CROCC: variants seen among roughly 807,000 people sequenced by gnomAD.
CROCC encodes rootletin.
Under a neutral mutation model 245.2 loss-of-function variants are expected in CROCC, and 180 were observed. That is an observed-to-expected ratio of 0.73 (90% confidence interval 0.65 to 0.83). CROCC has a LOEUF of 0.83. Among genes scored for constraint, CROCC ranks in the 40% least tolerant of loss-of-function variants. The probability of loss-of-function intolerance (pLI) is 0.00; values close to 1 mark genes in which losing one functional copy is unlikely to be tolerated. For synonymous variants in CROCC, 1,205 were observed against 1,241.6 expected (o/e 0.97, Z 0.62); for missense variants, 2,688 against 2,779.4 (o/e 0.97, Z 0.74).
chr1:16,966,475 G>T lies in CROCC; in HGVS notation c.4764G>T (p.Val1588=). ...AGCTGGCGCTGCAGGAGGAGAGTGT[G>T]CGGCGCAGTGAGCGGGAGCGCCGGG... is the stretch of plus-strand genomic sequence containing the variant. ...QAELALQEES[V]RRSERERRAT... The change falls in exon 30 of 37, where the codon GTG becomes GTT. Residue 1588 remains valine (V), a synonymous_variant. Transcript: ENST00000375541. This position sits in a 1 kb window ranked among gnomAD's most constrained non-coding sequence, Gnocchi z 4.8. 1 of 1,536,070 alleles carries T rather than the reference G, an allele frequency of 6.5e-7. No homozygotes were observed. Among genetic ancestry groups the T allele is most frequent in the Non-Finnish European group, 8.7e-7 (1 of 1,145,702 alleles).
chr1:16,926,074 G>T (rs1469578338), intron 3 of CROCC, among the ~76,000 whole-genome samples: 1 of 152,276 alleles, frequency 6.6e-6, no homozygotes, highest in African/African-American at 2.4e-5. Flanking sequence ...AGCTGCTGGG[G>T]CTGGGACTGC....
At chr1:16,918,684 G>A (rs2075339795), upstream of CROCC, among the ~76,000 whole-genome samples, 1 of 152,182 alleles carries the variant, frequency 6.6e-6, no homozygotes, top group South Asian at 2.1e-4. Context: ...TAGAAGAGTG[G>A]GCGTCCCTGG....
intron 17 of CROCC, among the ~76,000 whole-genome samples, chr1:16,948,012 T>C (rs1192031027): frequency 1.3e-5 from 2 of 152,262 alleles, no homozygotes; most frequent in Non-Finnish European, 2.9e-5. Flanking sequence ...CTAATTTTTG[T>C]ATTTTTAGTA....
In CROCC at chr1:16,922,646, T is replaced by A; in HGVS notation, c.61-17T>A. ...CGGGTCCCATGTCCCCTGAAGACCCTCTCGCTTTTCCCACAGACACTGGAG... is the reference window on the plus strand; with the variant it reads ...CGGGTCCCATGTCCCCTGAAGACCCACTCGCTTTTCCCACAGACACTGGAG... On this transcript the variant is annotated splice_polypyrimidine_tract_variant and intron_variant, in intron 1 of 36. Transcript: ENST00000375541. 6.3e-7 allele frequency: 1 copy of A among 1,592,274 alleles called. No individual in the cohort carries two copies. Among genetic ancestry groups the A allele is most frequent in the Non-Finnish European group, 8.6e-7 (1 of 1,168,792 alleles).
chr1:16,914,267 G>A (rs1357281074), intron 1 of CROCC, among the ~76,000 whole-genome samples: 4 of 152,138 alleles, frequency 2.6e-5, no homozygotes, highest in African/African-American at 9.6e-5. Flanking sequence ...CGCGACTGCC[G>A]CGGCCCGGCA....
chr1:16,968,657 T>G (rs542532838), intron 31 of CROCC, among the ~76,000 whole-genome samples: 2 of 152,202 alleles, frequency 1.3e-5, no homozygotes, highest in Admixed American at 1.3e-4. Context: ...TACATAGGAG[T>G]CATCTGGGAC....
chr1:16,964,295 G>A (rs377444593), intron 27 of CROCC, among the ~76,000 whole-genome samples: 1 of 151,452 alleles, frequency 6.6e-6, no homozygotes, highest in East Asian at 2.0e-4. Context: ...ATAAGCGTGG[G>A]CCACCATGCT....
chr1:16,967,666 C>T (rs2076441296), intron 30 of CROCC, among the ~76,000 whole-genome samples: 1 of 152,082 alleles, frequency 6.6e-6, no homozygotes, highest in Non-Finnish European at 1.5e-5. Flanking sequence ...ATGGGAGGAC[C>T]CCTAGTCTGC....
chr1:16,920,328 C>G (rs2075377730), upstream of CROCC, among the ~76,000 whole-genome samples: 1 of 152,238 alleles, frequency 6.6e-6, no homozygotes, highest in Non-Finnish European at 1.5e-5. Context: ...CCGCCTGCCT[C>G]AGCATCCCAA....
intron 8 of CROCC, 134 bp from the exon 9 acceptor site, chr1:16,936,503 A>C: frequency 1.1e-6 from 1 of 876,404 alleles, no homozygotes; most frequent in Non-Finnish European, 1.7e-6. Flanking sequence ...TCCTGACCTC[A>C]CGTGATCTGC....
chr1:16,915,820 A>G (rs938227405), intron 1 of CROCC, among the ~76,000 whole-genome samples: 1 of 152,262 alleles, frequency 6.6e-6, no homozygotes, highest in Admixed American at 6.5e-5. Context: ...AGTGCGTCCC[A>G]GGCAGAGAAA....
At chr1:16,941,776 G>A (rs1353849061) in intron 13 of CROCC, among the ~76,000 whole-genome samples, 1 of 152,034 alleles carries the variant, frequency 6.6e-6, no homozygotes, top group African/African-American at 2.4e-5. Flanking sequence ...AGTTGCCCTA[G>A]CCACATTTCA....
chr1:16,961,923 C>T (rs915483664), intron 27 of CROCC, among the ~76,000 whole-genome samples: 1 of 152,128 alleles, frequency 6.6e-6, no homozygotes, highest in Non-Finnish European at 1.5e-5. Flanking sequence ...CTCTTAATGC[C>T]TTTGACTCCT....
Position 16,958,614 on chromosome 1 carries a change from T to C in CROCC, c.3896T>C (p.Leu1299Pro). 6.4e-7 allele frequency: 1 copy of C among 1,554,624 alleles called. No homozygotes were observed. Among genetic ancestry groups the C allele is most frequent in the South Asian group, 1.2e-5 (1 of 84,316 alleles). ...ATGCTGGACAGTGAGAACACCAGAC[T>C]GGGCCGGGAGCTGGCGGAGCTGCAG... Reference protein sequence around the residue: ...MKMLDSENTRLGRELAELQGR... With the variant: ...MKMLDSENTRPGRELAELQGR... The change falls in exon 26 of 37, where the codon CTG becomes CCG. Residue 1299 changes from leucine (L) to proline (P), a missense_variant. By Grantham distance (98) the Leu-to-Pro change is moderately conservative. This residue lies in a region of CROCC where 1,218 missense variants were observed against 1,286.3 expected (regional missense o/e 0.95). Coordinates refer to ENST00000375541, the MANE Select transcript of CROCC (RefSeq NM_014675.5).
At chr1:16,930,692 G>GTCTGAGGGAGCACTC (rs1553152542) in intron 7 of CROCC, 98 bp downstream of exon 7, 3 of 1,359,260 alleles carry the variant, frequency 2.2e-6, no homozygotes, top group African/African-American at 1.4e-5. Flanking sequence ...AGGGAGCACT[G>GTCTGAGGGAGCACTC]TCCAAGGGAG....
intron 3 of CROCC, 109 bp downstream of exon 3, chr1:16,924,588 G>A: frequency 4.2e-6 from 6 of 1,435,182 alleles, no homozygotes; most frequent in Non-Finnish European, 5.7e-6. Context: ...CTGGAGTCAG[G>A]TTGGCCTGGG....
In CROCC at chr1:16,969,190, G is replaced by A; in HGVS notation, c.5151G>A (p.Val1717=). 1 of 1,610,040 alleles carries A rather than the reference G, an allele frequency of 6.2e-7. No homozygotes were observed. Among genetic ancestry groups the A allele is most frequent in the Non-Finnish European group, 8.5e-7 (1 of 1,177,566 alleles). ...GGCTGAATGGGGCCCTGGCTAAGGT[G>A]GAGGAAAGCGAGGGGGCCCTGCGGG... ...VERLNGALAK[V]EESEGALRDK... The change falls in exon 32 of 37, where the codon GTG becomes GTA. Residue 1717 remains valine, a synonymous_variant. Coordinates refer to ENST00000375541, the MANE Select transcript of CROCC (RefSeq NM_014675.5).
chr1:16,942,981 T>A (rs150302166), intron 13 of CROCC, among the ~76,000 whole-genome samples: 1 of 152,058 alleles, frequency 6.6e-6, no homozygotes, highest in African/African-American at 2.4e-5. Flanking sequence ...AGTGGCTCAC[T>A]CCTGTAATCC....
rs1259115393 is a variant in CROCC, at chr1:16,938,984, C to A, written c.1450C>A (p.Leu484Met). 6.2e-7 allele frequency: 1 copy of A among 1,604,758 alleles called. No individual in the cohort carries two copies. Among genetic ancestry groups the A allele is most frequent in the African/African-American group, 1.3e-5 (1 of 74,432 alleles). Residue 484 changes from leucine (L) to methionine (M), a missense_variant, in exon 12 of 37, where the codon CTG becomes ATG. Physicochemically the swap from Leu to Met is conservative, Grantham distance 15. Around this residue, in one of 9 missense-constraint regions of CROCC, gnomAD observed 972 missense variants for 895.3 expected, o/e 1.09. Coordinates refer to ENST00000375541, the MANE Select transcript of CROCC (RefSeq NM_014675.5). ...CACCGCGGATGCTTCCAACGGCAGC[C>A]TGCGGGGGCTCTCGGGCCAGCGGAC... The part of the protein sequence containing the change: ...ERTADASNGS[L>M]RGLSGQRTPS...
Sources: gnomAD v4.1 joint callset for allele counts (sites outside exome capture counted in the v4.1 genomes callset) on GRCh38, gnomAD v4.1.1 for gene constraint, gnomAD v4.1.1 regional missense constraint, Gnocchi (gnomAD v3.1) non-coding constraint, MANE v1.5 for transcripts, NCBI Gene and HGNC (gene_info 2026-07-23, HGNC 2026-07-21) for gene names.